The following ROR1 variants were observed in gnomAD, a reference collection of about 807,000 sequenced individuals.
The protein encoded by ROR1 is inactive tyrosine-protein kinase transmembrane receptor ROR1.
A neutral mutation model predicts 78.8 loss-of-function variants in ROR1; 19 were observed. The observed-to-expected ratio is 0.24, with a 90% confidence interval of 0.17 to 0.35. The LOEUF is 0.35. Among genes scored for constraint, ROR1 ranks in the 10% least tolerant of loss-of-function variants. The probability of loss-of-function intolerance (pLI) is 1.00; values close to 1 mark genes in which losing one functional copy is unlikely to be tolerated. For missense variants in ROR1, 917 were observed against 1,177.8 expected (o/e 0.78, Z 3.24); for synonymous variants, 386 against 433.6 (o/e 0.89, Z 1.36).
chr1:64,137,616 C>G, intron 5 of ROR1, 120 bp downstream of exon 5: 4 of 852,468 alleles, frequency 4.7e-6, no homozygotes, highest in Non-Finnish European at 7.1e-6. Flanking sequence ...GGAGCAGGAC[C>G]ATAAAAAAGC....
At chr1:63,898,582 G>C (rs1645459741) in intron 1 of ROR1, among the ~76,000 whole-genome samples, 1 of 150,526 alleles carries the variant, frequency 6.6e-6, no homozygotes, top group Non-Finnish European at 1.5e-5. Flanking sequence ...AGGAAGGAAA[G>C]AGAGAGAGAA....
intron 1 of ROR1, among the ~76,000 whole-genome samples, chr1:63,841,428 G>A (rs1450118617): frequency 2.0e-5 from 3 of 152,192 alleles, no homozygotes; most frequent in Non-Finnish European, 4.4e-5. Flanking sequence ...AGGTAGGAGT[G>A]ATCCTGTGGA....
At chr1:63,868,134 TTG>T (rs1324791608) in intron 1 of ROR1, among the ~76,000 whole-genome samples, 9 of 148,132 alleles carry the variant, frequency 6.1e-5, no homozygotes, top group Admixed American at 2.6e-4. Context: ...GCAGTTTTTG[TTG>T]TTGTTGTTGT....
At chr1:64,175,017 T>C (rs12059004) in intron 8 of ROR1, among the ~76,000 whole-genome samples, 1 of 149,456 alleles carries the variant, frequency 6.7e-6, no homozygotes, top group Non-Finnish European at 1.5e-5. Flanking sequence ...TTTTTTTTTT[T>C]AAAAAAATAG....
intron 1 of ROR1, among the ~76,000 whole-genome samples, chr1:63,936,721 C>T (rs775222506): frequency 6.6e-6 from 1 of 152,170 alleles, no homozygotes; most frequent in Non-Finnish European, 1.5e-5. Flanking sequence ...AGATCTGGGG[C>T]AGGTGATGTT....
At chr1:64,025,387 A>G (rs1419736669) in intron 2 of ROR1, among the ~76,000 whole-genome samples, 1 of 152,174 alleles carries the variant, frequency 6.6e-6, no homozygotes, top group Non-Finnish European at 1.5e-5. Context: ...TATGGAAAAA[A>G]CAGCATGGAG....
At chr1:63,925,195 G>T in intron 1 of ROR1, among the ~76,000 whole-genome samples, 1 of 141,478 alleles carries the variant, frequency 7.1e-6, no homozygotes, top group South Asian at 2.3e-4. Flanking sequence ...CCCAGAGTGT[G>T]ATATTCCCCT....
chr1:63,774,299 C>T lies in ROR1; in HGVS notation c.-119C>T. The T allele has an allele frequency of 1.9e-6, 1 of 517,322 alleles. No homozygotes were observed. The highest frequency in any genetic ancestry group is 3.0e-6 in the Non-Finnish European group (1 of 330,300). 32.0% of individuals were successfully genotyped at this position (517,322 alleles called of 1,614,324 possible). A position where few individuals can be genotyped will look rare whatever the true frequency, so the allele number is the denominator to read the frequency against. On this transcript the variant is annotated 5_prime_UTR_variant, in exon 1 of 9. Transcript: ENST00000371079. The surrounding 1 kb of genome is among the most constrained non-coding windows in gnomAD (Gnocchi z 5.7). Reference sequence around the variant, plus strand: ...AGGGACAAAGAGCTTTGCAGACGTCCCCGGCGTCCTGCGAGCGCCAGCGGC... The same window carrying T: ...AGGGACAAAGAGCTTTGCAGACGTCTCCGGCGTCCTGCGAGCGCCAGCGGC...
chr1:63,944,268 C>T (rs988759340), intron 1 of ROR1, among the ~76,000 whole-genome samples: 8 of 152,022 alleles, frequency 5.3e-5, no homozygotes, highest in African/African-American at 1.9e-4. Context: ...ACAGATTTCC[C>T]ATTAAAAGGA....
chr1:64,070,461 G>A (rs1032535615), intron 4 of ROR1, among the ~76,000 whole-genome samples: 5 of 152,028 alleles, frequency 3.3e-5, no homozygotes, highest in South Asian at 2.1e-4. Flanking sequence ...GTCTACAGGC[G>A]TGCACCACCA....
intron 1 of ROR1, among the ~76,000 whole-genome samples, chr1:63,848,310 C>T (rs1645094053): frequency 6.6e-6 from 1 of 152,152 alleles, no homozygotes; most frequent in African/African-American, 2.4e-5. Flanking sequence ...AAATGCTTTC[C>T]AGTCTTTCTT....
chr1:63,806,568 T>C (rs676021), intron 1 of ROR1, among the ~76,000 whole-genome samples: 64,354 of 151,770 alleles, frequency 0.42, 18,441 homozygotes, highest in African/African-American at 0.83. Context: ...CCGCCCGCCC[T>C]GGCCTCCCAA....
chr1:63,910,164 T>C (rs1645559738), intron 1 of ROR1, among the ~76,000 whole-genome samples: 1 of 152,200 alleles, frequency 6.6e-6, no homozygotes, highest in South Asian at 2.1e-4. Context: ...AGTGCTACAT[T>C]TAACAGGTAC....
At chr1:63,923,125 T>G (rs993162744) in intron 1 of ROR1, among the ~76,000 whole-genome samples, 1 of 152,148 alleles carries the variant, frequency 6.6e-6, no homozygotes, top group Non-Finnish European at 1.5e-5. Context: ...TAAAACAGAT[T>G]GCGTGTGACA....
At chr1:63,856,517 C>T (rs1645150009) in intron 1 of ROR1, among the ~76,000 whole-genome samples, 1 of 152,172 alleles carries the variant, frequency 6.6e-6, no homozygotes, top group Non-Finnish European at 1.5e-5. Context: ...CTTTCTGCAG[C>T]TCTCTTTTCT....
At chr1:64,136,147 T>G (rs1385559766) in intron 4 of ROR1, among the ~76,000 whole-genome samples, 1 of 152,172 alleles carries the variant, frequency 6.6e-6, no homozygotes, top group Non-Finnish European at 1.5e-5. Context: ...AGCTTTTACA[T>G]TATCTGATGG....
Position 63,972,297 on chromosome 1 carries a change from C to A in ROR1, c.92-37008C>A, listed in dbSNP as rs144663363. Among the ~76,000 whole-genome samples, 502 of 152,228 alleles carry A rather than the reference C, an allele frequency of 3.3e-3. 4 individuals carry two copies. Among genetic ancestry groups the A allele is most frequent in the African/African-American group, 0.011 (463 of 41,540 alleles). Reference sequence around the variant, plus strand: ...TCATCCTCACTTTTCCGATGAGGAACCCAGGGCTCAGAGAGGTTACGTGAT... The same window carrying A: ...TCATCCTCACTTTTCCGATGAGGAAACCAGGGCTCAGAGAGGTTACGTGAT... On this transcript the variant is annotated intron_variant, in intron 1 of 8. Coordinates refer to ENST00000371079, the MANE Select transcript of ROR1 (RefSeq NM_005012.4).
intron 4 of ROR1, among the ~76,000 whole-genome samples, chr1:64,128,310 A>AAAG (rs1648787925): frequency 6.7e-6 from 1 of 149,236 alleles, no homozygotes. Context: ...AAAAAAAAAA[A>AAAG]GTAAAAAAAC....
At chr1:64,093,644 G>T (rs1205280371) in intron 4 of ROR1, among the ~76,000 whole-genome samples, 3 of 151,872 alleles carry the variant, frequency 2.0e-5, no homozygotes, top group Non-Finnish European at 4.4e-5. Context: ...CCTCCCAAAA[G>T]CAATAGAAAC....
Sources: allele counts gnomAD v4.1 joint callset (sites outside exome capture counted in the v4.1 genomes callset), GRCh38; gene constraint gnomAD v4.1.1; non-coding constraint Gnocchi (gnomAD v3.1); transcripts MANE v1.5; gene names NCBI Gene and HGNC (gene_info 2026-07-23, HGNC 2026-07-21).